Variants in SMYD3 observed in about 807,000 individuals in gnomAD.
SMYD3 encodes the protein histone-lysine N-methyltransferase SMYD3.
A neutral mutation model predicts 57.7 loss-of-function variants in SMYD3; 36 were observed. That is an observed-to-expected ratio of 0.62 (90% CI 0.48 to 0.82). The LOEUF is 0.82. Among genes scored for constraint, SMYD3 ranks in the 40% least tolerant of loss-of-function variants. The pLI is 0.00. For synonymous variants in SMYD3, 211 were observed against 195.0 expected, an observed-to-expected ratio of 1.08 and a Z score of -0.68; for missense variants, 515 against 538.8, an observed-to-expected ratio of 0.96 and a Z score of 0.44.
At chr1:246,433,592 C>T (rs2067329816) in intron 1 of SMYD3, among the ~76,000 whole-genome samples, 1 of 152,124 alleles carries the variant, frequency 6.6e-6, no homozygotes, top group South Asian at 2.1e-4. Context: ...ATTCAGGAGG[C>T]AGAGATGGCA....
chr1:246,061,457 G>A (rs1314958148), intron 5 of SMYD3, among the ~76,000 whole-genome samples: 5 of 151,152 alleles, frequency 3.3e-5, no homozygotes, highest in African/African-American at 9.7e-5. Context: ...ACAGAGACTC[G>A]TGCCTATAAT....
Position 245,749,373 on chromosome 1 carries a change from T to C in SMYD3, c.*190A>G, listed in dbSNP as rs1036249807. 4.0e-6 allele frequency: 2 copies of C among 495,924 alleles called. No homozygotes were observed. Among genetic ancestry groups the C allele is most frequent in the Non-Finnish European group, 7.1e-6 (2 of 282,574 alleles). The allele number at this position is 495,924 out of a possible 1,614,324, so 30.7% of individuals were successfully genotyped here. On this transcript the variant is annotated 3_prime_UTR_variant, in exon 12 of 12. Coordinates refer to ENST00000490107, the MANE Select transcript of SMYD3 (RefSeq NM_001167740.2). Reference sequence around the variant, plus strand: ...CCTCAACCAAATGTTTTGAATTTATTATAATCGTGCTTCTCTACAACTAAT... The same window carrying C: ...CCTCAACCAAATGTTTTGAATTTATCATAATCGTGCTTCTCTACAACTAAT...
intron 5 of SMYD3, among the ~76,000 whole-genome samples, chr1:246,139,717 G>C (rs532302386): frequency 9.1e-4 from 139 of 152,312 alleles, no homozygotes; most frequent in African/African-American, 3.2e-3. Context: ...ACAATGGTGG[G>C]TTATAGAAGG....
intron 5 of SMYD3, among the ~76,000 whole-genome samples, chr1:246,263,001 A>C (rs777428152): frequency 6.6e-6 from 1 of 152,200 alleles, no homozygotes; most frequent in Non-Finnish European, 1.5e-5. Flanking sequence ...TAAATCCTAC[A>C]TTCTTTAATT....
At chr1:246,205,329 C>A (rs756090783) in intron 5 of SMYD3, among the ~76,000 whole-genome samples, 1 of 152,206 alleles carries the variant, frequency 6.6e-6, no homozygotes, top group African/African-American at 2.4e-5. Flanking sequence ...GTGCTCCAAA[C>A]CCTCTTTTCT....
At chr1:246,464,169 A>G (rs2067849908) in intron 1 of SMYD3, among the ~76,000 whole-genome samples, 4 of 152,142 alleles carry the variant, frequency 2.6e-5, no homozygotes, top group Admixed American at 2.6e-4. Flanking sequence ...ACAATATAGC[A>G]TGTTTAAGAG....
intron 5 of SMYD3, among the ~76,000 whole-genome samples, chr1:246,205,692 C>T (rs1312591408): frequency 2.0e-5 from 3 of 152,030 alleles, no homozygotes; most frequent in African/African-American, 4.8e-5. Flanking sequence ...TGGTGGCGAG[C>T]GCCTGTAGTC....
chr1:245,983,175 G>A (rs1455058622), intron 5 of SMYD3, among the ~76,000 whole-genome samples: 1 of 152,154 alleles, frequency 6.6e-6, no homozygotes, highest in African/African-American at 2.4e-5. Flanking sequence ...TTTTGTGGCA[G>A]CTTTCGGGAC....
chr1:246,288,049 C>T (rs1234736800), intron 5 of SMYD3, among the ~76,000 whole-genome samples: 1 of 141,060 alleles, frequency 7.1e-6, no homozygotes, highest in African/African-American at 2.6e-5. Context: ...TTTTGAAATG[C>T]CATCAGGTAA....
intron 5 of SMYD3, among the ~76,000 whole-genome samples, chr1:246,209,049 T>A (rs1279443625): frequency 6.6e-6 from 1 of 152,160 alleles, no homozygotes. Context: ...ATAAATGTAA[T>A]AAAAATGTCT....
intron 8 of SMYD3, among the ~76,000 whole-genome samples, chr1:245,901,312 A>G (rs1386433889): frequency 6.6e-6 from 1 of 152,182 alleles, no homozygotes; most frequent in Non-Finnish European, 1.5e-5. Flanking sequence ...AATTACTCAG[A>G]CCAAGAAAGA....
intron 10 of SMYD3, among the ~76,000 whole-genome samples, chr1:245,824,095 C>T (rs1237536351): frequency 6.6e-6 from 1 of 152,208 alleles, no homozygotes; most frequent in Non-Finnish European, 1.5e-5. Context: ...CCTTCAGTCA[C>T]AGCTACTTGG....
intron 10 of SMYD3, among the ~76,000 whole-genome samples, chr1:245,774,079 T>C (rs1259814880): frequency 6.6e-6 from 1 of 152,158 alleles, no homozygotes; most frequent in Non-Finnish European, 1.5e-5. Flanking sequence ...CGATGAAATA[T>C]TCTAAAAAGC....
intron 5 of SMYD3, among the ~76,000 whole-genome samples, chr1:246,256,943 G>C (rs2063906076): frequency 6.6e-6 from 1 of 152,178 alleles, no homozygotes; most frequent in African/African-American, 2.4e-5. Flanking sequence ...TCAGGAGCAA[G>C]TTGTATAATT....
chr1:246,205,053 T>C (rs999198382), intron 5 of SMYD3, among the ~76,000 whole-genome samples: 2 of 152,176 alleles, frequency 1.3e-5, no homozygotes, highest in Admixed American at 6.5e-5. Context: ...CGAACTACAC[T>C]GAATTTAGCC....
At chr1:245,972,795 C>T (rs1480140526) in intron 5 of SMYD3, among the ~76,000 whole-genome samples, 7 of 152,194 alleles carry the variant, frequency 4.6e-5, no homozygotes, top group African/African-American at 7.2e-5. Flanking sequence ...GGAAAGAATC[C>T]GGGCCCTGAA....
At chr1:245,978,857 TG>T (rs1467122138) in intron 5 of SMYD3, among the ~76,000 whole-genome samples, 2 of 152,174 alleles carry the variant, frequency 1.3e-5, no homozygotes, top group Non-Finnish European at 2.9e-5. Context: ...GGCTCAATAC[TG>T]AGAAGTCCTT....
intron 5 of SMYD3, among the ~76,000 whole-genome samples, chr1:245,954,796 T>A (rs1017909299): frequency 6.6e-6 from 1 of 152,228 alleles, no homozygotes; most frequent in Admixed American, 6.5e-5. Flanking sequence ...CAGGTATTTG[T>A]CTCCTGTATT....
chr1:246,378,726 T>TATATATTATATATAATTATATATAATATA (rs2066324137), intron 1 of SMYD3, among the ~76,000 whole-genome samples: 1 of 89,862 alleles, frequency 1.1e-5, no homozygotes, highest in African/African-American at 4.7e-5. Flanking sequence ...TATAATATAT[T>TATATATTATATATAATTATATATAATATA]ATATATTATA....
Sources: gnomAD v4.1 joint callset for allele counts (sites outside exome capture counted in the v4.1 genomes callset) on GRCh38, gnomAD v4.1.1 for gene constraint, MANE v1.5 for transcripts, NCBI Gene and HGNC (gene_info 2026-07-23, HGNC 2026-07-21) for gene names.